TMEM108: variants seen among roughly 807,000 people sequenced by gnomAD.
The protein encoded by TMEM108 is cancer/testis antigen 124.
In TMEM108, 12 loss-of-function variants were observed where a neutral mutation model predicts 35.1. The observed-to-expected ratio is 0.34, with a 90% CI of 0.22 to 0.55. TMEM108 has a LOEUF of 0.55. Among genes scored for constraint, TMEM108 ranks in the 20% least tolerant of loss-of-function variants. The pLI is 0.89. For synonymous variants in TMEM108, 287 were observed against 308.6 expected, an observed-to-expected ratio of 0.93 and a Z score of 0.73; for missense variants, 680 against 753.3, an observed-to-expected ratio of 0.90 and a Z score of 1.14.
intron 2 of TMEM108, among the ~76,000 whole-genome samples, chr3:133,178,310 C>A (rs1194963256): frequency 4.7e-5 from 7 of 149,204 alleles, no homozygotes; most frequent in Admixed American, 4.7e-4. Flanking sequence ...TTGGAAAAAA[C>A]TAAAGTTCAT....
intron 2 of TMEM108, among the ~76,000 whole-genome samples, chr3:133,135,074 A>G (rs941807511): frequency 2.0e-5 from 3 of 151,842 alleles, no homozygotes; most frequent in African/African-American, 7.3e-5. Flanking sequence ...ATAGTTTTAA[A>G]CAATGTTTTT....
At chr3:133,170,509 T>G (rs1269177031) in intron 2 of TMEM108, among the ~76,000 whole-genome samples, 1 of 152,152 alleles carries the variant, frequency 6.6e-6, no homozygotes, top group Non-Finnish European at 1.5e-5. Flanking sequence ...GTAACAAAAT[T>G]TTAATTGTAA....
intron 3 of TMEM108, among the ~76,000 whole-genome samples, chr3:133,240,423 A>G (rs906375692): frequency 2.6e-5 from 4 of 152,226 alleles, no homozygotes; most frequent in African/African-American, 4.8e-5. Context: ...AGACATTCTC[A>G]TTGTAAACAA....
In TMEM108 at chr3:133,183,044, A is replaced by G. The variant is rs566938264; in HGVS notation, c.-46-46222A>G. Among the ~76,000 whole-genome samples the G allele has an allele frequency of 7.1e-4, 108 of 152,296 alleles. 1 individual carries two copies. The Middle Eastern group carries it at 0.014, about 19-fold the overall frequency. ...GATTTCGAAGTATTTACATATAACC[A>G]GTAGAACATCCCTAATCCAAAATCT... On this transcript the variant is annotated intron_variant, in intron 2 of 5. Transcript: ENST00000321871.
chr3:133,230,204 T>C (rs1946132537), intron 3 of TMEM108, among the ~76,000 whole-genome samples: 1 of 152,202 alleles, frequency 6.6e-6, no homozygotes, highest in South Asian at 2.1e-4. Context: ...TTAACTTTTG[T>C]TGAGAGAATA....
intron 2 of TMEM108, among the ~76,000 whole-genome samples, chr3:133,134,432 T>G (rs1464884708): frequency 6.6e-6 from 1 of 152,144 alleles, no homozygotes; most frequent in Non-Finnish European, 1.5e-5. Context: ...ATTTGTCTAT[T>G]TCTCTTAATT....
At chr3:133,074,363 G>A (rs774251841) in intron 2 of TMEM108, 3 of 152,226 alleles carry the variant, frequency 2.0e-5, no homozygotes, top group Middle Eastern at 3.4e-3. Context: ...CACAATGTAA[G>A]TTAAAAATGT....
At chr3:133,363,879 A>G (rs904120954) in intron 3 of TMEM108, among the ~76,000 whole-genome samples, 2 of 152,226 alleles carry the variant, frequency 1.3e-5, no homozygotes, top group African/African-American at 4.8e-5. Flanking sequence ...TTAATGGAAT[A>G]TTCTACCTTG....
At chr3:133,138,280 A>G (rs563347499) in intron 2 of TMEM108, among the ~76,000 whole-genome samples, 1 of 152,330 alleles carries the variant, frequency 6.6e-6, no homozygotes, top group Non-Finnish European at 1.5e-5. Context: ...TCTCCAAGGT[A>G]GAGTTTATCA....
intron 2 of TMEM108, among the ~76,000 whole-genome samples, chr3:133,101,006 T>TGGAATATCCTCATACACATGTGAAATATC (rs60108946): frequency 3.9e-5 from 6 of 152,216 alleles, no homozygotes; most frequent in African/African-American, 1.4e-4. Context: ...TTCCTCATTG[T>TGGAATATCCTCATACACATGTGAAATATC]CACATACACA....
chr3:133,050,759 A>G (rs1000835740), intron 2 of TMEM108, among the ~76,000 whole-genome samples: 4 of 151,688 alleles, frequency 2.6e-5, no homozygotes, highest in African/African-American at 4.9e-5. Context: ...AATATCATGT[A>G]ATATGTAGCC....
intron 2 of TMEM108, among the ~76,000 whole-genome samples, chr3:133,104,644 C>G (rs1360957353): frequency 6.6e-6 from 1 of 152,162 alleles, no homozygotes; most frequent in African/African-American, 2.4e-5. Flanking sequence ...TTTCATTTCT[C>G]TTCTGCCTCC....
At chr3:133,316,979 C>T (rs2071207654) in intron 3 of TMEM108, among the ~76,000 whole-genome samples, 1 of 152,218 alleles carries the variant, frequency 6.6e-6, no homozygotes, top group South Asian at 2.1e-4. Flanking sequence ...AAGGGATCTG[C>T]AGCAACCTCT....
chr3:133,180,281 A>G (rs1284385408), intron 2 of TMEM108, among the ~76,000 whole-genome samples: 1 of 152,186 alleles, frequency 6.6e-6, no homozygotes, highest in African/African-American at 2.4e-5. Context: ...AGAAGTTCAT[A>G]CTGCCAACAT....
chr3:133,160,481 A>G (rs1944945666), intron 2 of TMEM108, among the ~76,000 whole-genome samples: 1 of 152,226 alleles, frequency 6.6e-6, no homozygotes, highest in African/African-American at 2.4e-5. Context: ...GGACTCATTC[A>G]GATTGAATGC....
chr3:133,194,988 A>G (rs1163060706), intron 2 of TMEM108, among the ~76,000 whole-genome samples: 1 of 152,180 alleles, frequency 6.6e-6, no homozygotes, highest in Non-Finnish European at 1.5e-5. Context: ...CATTATGTAA[A>G]TCATGTATGA....
At chr3:133,116,911 G>C (rs7624758) in intron 2 of TMEM108, among the ~76,000 whole-genome samples, 2 of 151,822 alleles carry the variant, frequency 1.3e-5, no homozygotes, top group African/African-American at 4.8e-5. Flanking sequence ...CTGAGACTAC[G>C]GGCGTGCACT....
chr3:133,322,325 A>T (rs1425530129), intron 3 of TMEM108, among the ~76,000 whole-genome samples: 1 of 152,218 alleles, frequency 6.6e-6, no homozygotes, highest in Non-Finnish European at 1.5e-5. Context: ...GCTCAATTAG[A>T]AATGAAACGA....
intron 2 of TMEM108, among the ~76,000 whole-genome samples, chr3:133,075,864 T>A (rs1279716906): frequency 6.6e-6 from 1 of 152,040 alleles, no homozygotes; most frequent in East Asian, 1.9e-4. Context: ...AGTAGATAAT[T>A]TGAAGGGTGA....
Sources: gnomAD v4.1 joint callset for allele counts (sites outside exome capture counted in the v4.1 genomes callset) on GRCh38, gnomAD v4.1.1 for gene constraint, MANE v1.5 for transcripts, NCBI Gene and HGNC (gene_info 2026-07-23, HGNC 2026-07-21) for gene names.